RBFOX1: variants seen among roughly 807,000 people sequenced by gnomAD.
The protein encoded by RBFOX1 is RNA binding fox-1 homolog 1, also known as RNA binding protein fox-1 homolog 1.
RBFOX1 carries 8 observed loss-of-function variants against 57.7 expected under a neutral mutation model. That is an observed-to-expected ratio of 0.14 (90% confidence interval 0.08 to 0.25). The LOEUF (loss-of-function observed/expected upper bound fraction) is 0.25. Ranked by LOEUF, RBFOX1 falls within the 10% of genes least tolerant of loss-of-function variation. RBFOX1 has a pLI of 1.00. For synonymous variants in RBFOX1, 326 were observed against 222.4 expected (o/e 1.47, Z -4.15); for missense variants, 611 against 548.5 (o/e 1.11, Z -1.14).
chr16:7,077,721 T>C (rs921518475), intron 4 of RBFOX1, among the ~76,000 whole-genome samples: 3 of 152,234 alleles, frequency 2.0e-5, no homozygotes, highest in Non-Finnish European at 4.4e-5. Flanking sequence ...TGGAATGTTC[T>C]GGGGTTGTGC....
At chr16:5,531,758 T>C (rs1283471061) in intron 2 of RBFOX1, among the ~76,000 whole-genome samples, 2 of 151,486 alleles carry the variant, frequency 1.3e-5, no homozygotes, top group African/African-American at 4.9e-5. Flanking sequence ...TCATTTCTAG[T>C]GGTGGAGGTA....
At chr16:6,928,122 C>T (rs572311324) in intron 3 of RBFOX1, among the ~76,000 whole-genome samples, 1 of 152,194 alleles carries the variant, frequency 6.6e-6, no homozygotes, top group African/African-American at 2.4e-5. Flanking sequence ...CGGCAGATGG[C>T]ACAATTCTTA....
intron 4 of RBFOX1, among the ~76,000 whole-genome samples, chr16:7,366,547 A>G (rs2097452840): frequency 6.6e-6 from 1 of 152,100 alleles, no homozygotes; most frequent in South Asian, 2.1e-4. Flanking sequence ...CCCTGGTCCA[A>G]CCATGGAGGC....
chr16:5,905,541 A>G (rs1319512789), intron 4 of RBFOX1, among the ~76,000 whole-genome samples: 1 of 152,014 alleles, frequency 6.6e-6, no homozygotes, highest in Non-Finnish European at 1.5e-5. Flanking sequence ...TTGAAACCGA[A>G]TCTCTACAAA....
At chr16:5,856,895 T>C (rs2057086231) in intron 3 of RBFOX1, among the ~76,000 whole-genome samples, 3 of 152,068 alleles carry the variant, frequency 2.0e-5, no homozygotes, top group Admixed American at 1.3e-4. Context: ...TGTTTCACTT[T>C]CTTATCATTC....
intron 3 of RBFOX1, among the ~76,000 whole-genome samples, chr16:6,730,638 T>C (rs558789724): frequency 6.6e-6 from 1 of 152,334 alleles, no homozygotes; most frequent in African/African-American, 2.4e-5. Context: ...TGAAGACTGG[T>C]CATTTTGTGG....
At chr16:5,265,986 T>C (rs1443067473) in intron 1 of RBFOX1, among the ~76,000 whole-genome samples, 18 of 151,828 alleles carry the variant, frequency 1.2e-4, no homozygotes, top group Admixed American at 1.2e-3. Flanking sequence ...AAAAATCACT[T>C]GAAAATGAGA....
At chr16:6,640,361 A>C (rs11077059) in intron 2 of RBFOX1, among the ~76,000 whole-genome samples, 128,214 of 151,824 alleles carry the variant, frequency 0.84, 55,142 homozygotes, top group Middle Eastern at 0.98. Context: ...GTAATCCCAG[A>C]ACTTGGGGAG....
intron 4 of RBFOX1, among the ~76,000 whole-genome samples, chr16:7,295,889 C>T (rs1292721150): frequency 6.6e-6 from 1 of 152,180 alleles, no homozygotes; most frequent in Non-Finnish European, 1.5e-5. Context: ...GAAAGGCATG[C>T]TGCTCTGTGG....
chr16:6,806,836 A>ATATTTATATATATATATAT (rs754342591), intron 3 of RBFOX1, among the ~76,000 whole-genome samples: 1 of 91,904 alleles, frequency 1.1e-5, no homozygotes, highest in African/African-American at 4.1e-5. Context: ...ATATATATAT[A>ATATTTATATATATATATAT]TTTTTTTTTT....
intron 2 of RBFOX1, among the ~76,000 whole-genome samples, chr16:6,643,264 A>T (rs955009467): frequency 6.6e-6 from 1 of 152,148 alleles, no homozygotes. Context: ...TTGCAAAGTT[A>T]TTTGCTCCCA....
intron 3 of RBFOX1, among the ~76,000 whole-genome samples, chr16:6,888,918 C>T (rs913337327): frequency 1.5e-4 from 23 of 152,184 alleles, no homozygotes; most frequent in African/African-American, 5.5e-4. Flanking sequence ...ATTCTCCTGC[C>T]AAGCAGATAG....
At chr16:7,378,060 T>G (rs2097717169) in intron 4 of RBFOX1, among the ~76,000 whole-genome samples, 1 of 152,164 alleles carries the variant, frequency 6.6e-6, no homozygotes, top group African/African-American at 2.4e-5. Flanking sequence ...GAGACTCCGG[T>G]GGCTAGAGGA....
intron 3 of RBFOX1, among the ~76,000 whole-genome samples, chr16:6,898,679 C>G (rs532480377): frequency 6.6e-6 from 1 of 151,942 alleles, no homozygotes; most frequent in Non-Finnish European, 1.5e-5. Context: ...TGTGTGTGTA[C>G]ATGTGTATAT....
At chr16:6,361,502 C>T (rs1387086111) in intron 2 of RBFOX1, among the ~76,000 whole-genome samples, 2 of 151,888 alleles carry the variant, frequency 1.3e-5, no homozygotes, top group African/African-American at 4.8e-5. Context: ...GTGGCTAATG[C>T]CTGTAGTTGC....
intron 2 of RBFOX1, among the ~76,000 whole-genome samples, chr16:6,351,103 T>A (rs934262151): frequency 2.6e-5 from 4 of 152,092 alleles, no homozygotes; most frequent in African/African-American, 9.7e-5. Context: ...GCAGGAGTTT[T>A]ATGACATAAA....
At chr16:5,255,579 T>C (rs974987245) in intron 1 of RBFOX1, among the ~76,000 whole-genome samples, 3 of 151,988 alleles carry the variant, frequency 2.0e-5, no homozygotes, top group African/African-American at 7.2e-5. Flanking sequence ...CATCCATTTA[T>C]CTATCCCTCC....
At chr16:7,488,243 C>T (rs1417808452) in intron 4 of RBFOX1, among the ~76,000 whole-genome samples, 1 of 152,158 alleles carries the variant, frequency 6.6e-6, no homozygotes, top group Non-Finnish European at 1.5e-5. Flanking sequence ...ACATGCTTAG[C>T]CTGGTGTTGT....
chr16:6,832,119 T>C (rs2092750262), intron 3 of RBFOX1, among the ~76,000 whole-genome samples: 2 of 152,186 alleles, frequency 1.3e-5, no homozygotes, highest in African/African-American at 4.8e-5. Flanking sequence ...GGATAAAACT[T>C]TTTCCTGATA....
Sources: allele counts gnomAD v4.1 joint callset (sites outside exome capture counted in the v4.1 genomes callset), GRCh38; gene constraint gnomAD v4.1.1; transcripts MANE v1.5; gene names NCBI Gene and HGNC (gene_info 2026-07-23, HGNC 2026-07-21).